Variants in OR6N1 observed in about 807,000 individuals in gnomAD.
OR6N1 encodes olfactory receptor family 6 subfamily N member 1, also known as olfactory receptor 6N1.
For missense variants in OR6N1, 394 were observed against 371.7 expected (o/e 1.06, Z -0.49); for synonymous variants, 170 against 150.7 (o/e 1.13, Z -0.94).
chr1:158,798,061 ATGT>A, the OR6N1 span, among the ~76,000 whole-genome samples: 2 of 152,128 alleles, frequency 1.3e-5, no homozygotes, highest in South Asian at 2.1e-4. Context: ...TATTAGTAAT[ATGT>A]TATTATAACT....
At chr1:158,774,605 T>G (rs542680960), upstream of OR6N1, 1 of 152,200 alleles carries the variant, frequency 6.6e-6, no homozygotes, top group Non-Finnish European at 1.5e-5. Context: ...CCTATACTTA[T>G]GCATTTTCCC....
In OR6N1 at chr1:158,764,411, T is replaced by C. The variant is rs1261761971; in HGVS notation, c.*1333A>G. On this transcript the variant is annotated 3_prime_UTR_variant, in exon 2 of 2. Coordinates refer to ENST00000641846, the MANE Select transcript of OR6N1 (RefSeq NM_001005185.2). ...TTAATATTTATATTCTCAACTCTTT[T>C]AAAACACCCTAAAGGTAGGACCTGG... The C allele has an allele frequency of 6.6e-6, 1 of 151,856 alleles. No individual in the cohort carries two copies. Among genetic ancestry groups the C allele is most frequent in the Non-Finnish European group, 1.5e-5 (1 of 67,926 alleles). 9.4% of individuals were successfully genotyped at this position (151,856 alleles called of 1,614,324 possible).
the OR6N1 span, among the ~76,000 whole-genome samples, chr1:158,809,595 ACT>A: frequency 6.6e-6 from 1 of 152,060 alleles, no homozygotes; most frequent in Non-Finnish European, 1.5e-5. Flanking sequence ...TGCTCCAGTG[ACT>A]CAGTGATTTT....
the OR6N1 span, among the ~76,000 whole-genome samples, chr1:158,835,706 A>G: frequency 1.3e-5 from 2 of 151,834 alleles, no homozygotes; most frequent in South Asian, 2.1e-4. Context: ...ATGTTTCAGG[A>G]GCAAGAGAAA....
At chr1:158,819,667 T>C in the OR6N1 span, among the ~76,000 whole-genome samples, 4 of 152,174 alleles carry the variant, frequency 2.6e-5, no homozygotes, top group Non-Finnish European at 5.9e-5. Context: ...CAGAGCATTT[T>C]TTAAAGTGTC....
chr1:158,777,462 A>G, the OR6N1 span: 2 of 1,614,234 alleles, frequency 1.2e-6, no homozygotes, highest in African/African-American at 2.7e-5. Flanking sequence ...AGTGGTACAT[A>G]GGTGTGTGCA....
At chr1:158,783,671 G>A in the OR6N1 span, among the ~76,000 whole-genome samples, 1 of 152,084 alleles carries the variant, frequency 6.6e-6, no homozygotes, top group South Asian at 2.1e-4. Context: ...ATACTTGCAT[G>A]TTTATTTCTC....
the OR6N1 span, chr1:158,809,381 G>T: frequency 6.6e-6 from 1 of 152,256 alleles, no homozygotes. Context: ...ATTACTTCAA[G>T]CTTCTTCCTC....
the OR6N1 span, among the ~76,000 whole-genome samples, chr1:158,839,424 C>T: frequency 6.6e-6 from 1 of 152,180 alleles, no homozygotes; most frequent in African/African-American, 2.4e-5. Flanking sequence ...TATCCATAAT[C>T]TCTTGCCTTC....
At chr1:158,830,303 T>C in the OR6N1 span, among the ~76,000 whole-genome samples, 1 of 152,178 alleles carries the variant, frequency 6.6e-6, no homozygotes, top group South Asian at 2.1e-4. Context: ...TCATTCTAGA[T>C]CCTCTTGGTT....
At chr1:158,831,051 T>G in the OR6N1 span, among the ~76,000 whole-genome samples, 1 of 152,224 alleles carries the variant, frequency 6.6e-6, no homozygotes, top group East Asian at 1.9e-4. Context: ...GTGTTTTGCC[T>G]TTCCCAATTT....
chr1:158,799,411 T>A, the OR6N1 span, among the ~76,000 whole-genome samples: 1 of 152,190 alleles, frequency 6.6e-6, no homozygotes, highest in Non-Finnish European at 1.5e-5. Context: ...AAGTAGAAGG[T>A]CATTCAAGTG....
At chr1:158,768,141 A>G (rs908109343) in intron 1 of OR6N1, among the ~76,000 whole-genome samples, 1 of 151,378 alleles carries the variant, frequency 6.6e-6, no homozygotes, top group African/African-American at 2.4e-5. Context: ...GCCCATGGTC[A>G]GTGTTTAATC....
chr1:158,807,305 T>C, the OR6N1 span, among the ~76,000 whole-genome samples: 2 of 152,222 alleles, frequency 1.3e-5, no homozygotes, highest in Non-Finnish European at 2.9e-5. Flanking sequence ...TCTGGCATAG[T>C]ACAGACATAC....
At chr1:158,811,206 T>C in the OR6N1 span, among the ~76,000 whole-genome samples, 1 of 152,114 alleles carries the variant, frequency 6.6e-6, no homozygotes, top group Non-Finnish European at 1.5e-5. Flanking sequence ...CCTGCAAAGG[T>C]GTTTTTCCAT....
At chr1:158,804,380 CA>C in the OR6N1 span, among the ~76,000 whole-genome samples, 1 of 152,174 alleles carries the variant, frequency 6.6e-6, no homozygotes, top group African/African-American at 2.4e-5. Context: ...AACTAAAAAA[CA>C]AGTCATCATT....
At chr1:158,838,472 A>G in the OR6N1 span, among the ~76,000 whole-genome samples, 823 of 152,206 alleles carry the variant, frequency 5.4e-3, 12 homozygotes, top group African/African-American at 0.019. Flanking sequence ...GATTTCTTGG[A>G]TATAATGAGT....
chr1:158,788,403 G>T, the OR6N1 span, among the ~76,000 whole-genome samples: 2 of 152,132 alleles, frequency 1.3e-5, no homozygotes, highest in Admixed American at 1.3e-4. Context: ...GTCATCAGTT[G>T]CAAGACATTA....
At chr1:158,776,407 G>A (rs1382533399), upstream of OR6N1, 3 of 262,442 alleles carry the variant, frequency 1.1e-5, no homozygotes, top group East Asian at 7.2e-5. Context: ...CAGAGAAATC[G>A]ATCTCTAGCT....
Sources: allele counts gnomAD v4.1 joint callset (sites outside exome capture counted in the v4.1 genomes callset), GRCh38; gene constraint gnomAD v4.1.1; transcripts MANE v1.5; gene names NCBI Gene and HGNC (gene_info 2026-07-23, HGNC 2026-07-21).